The following TOPAZ1 variants were observed in gnomAD, a reference collection of about 807,000 sequenced individuals.
TOPAZ1 encodes the protein protein TOPAZ1.
TOPAZ1 carries 66 observed loss-of-function variants against 172.2 expected under a neutral mutation model. That is an observed-to-expected ratio of 0.38 (90% CI 0.31 to 0.47). TOPAZ1 has a LOEUF of 0.47. TOPAZ1 is among the 20% of genes least tolerant of loss of function. TOPAZ1 has a pLI of 0.99. For synonymous variants in TOPAZ1, 681 were observed against 683.9 expected (o/e 1.00, Z 0.07); for missense variants, 1,822 against 1,972.4 (o/e 0.92, Z 1.44).
Position 44,281,955 on chromosome 3 carries a change from G to A in TOPAZ1, c.3373-13G>A, listed in dbSNP as rs567993796. The A allele has an allele frequency of 1.2e-4, 186 of 1,523,428 alleles. No homozygotes were observed. Among genetic ancestry groups the A allele is most frequent in the Non-Finnish European group, 1.4e-4 (160 of 1,128,356 alleles). 94.4% of individuals were successfully genotyped at this position (1,523,428 alleles called of 1,614,324 possible). A position where few individuals can be genotyped will look rare whatever the true frequency, so the allele number is the denominator to read the frequency against. ...TAAAAAAGGTAGTTTTACATTTTTC[G>A]TGACTTTTGCAGGTTTGCATGGATG... is the stretch of plus-strand genomic sequence containing the variant. On this transcript the variant is annotated splice_polypyrimidine_tract_variant and intron_variant, in intron 8 of 19. Transcript: ENST00000309765.
chr3:44,322,456 A>G (rs1360108024), intron 17 of TOPAZ1, among the ~76,000 whole-genome samples: 1 of 152,240 alleles, frequency 6.6e-6, no homozygotes, highest in Non-Finnish European at 1.5e-5. Context: ...TCAAATACAG[A>G]GGTCTTAATG....
At chr3:44,269,182 ATTGGTG>A in intron 6 of TOPAZ1, 28 bp from the exon 7 acceptor site, 1 of 1,117,986 alleles carries the variant, frequency 8.9e-7, no homozygotes, top group Non-Finnish European at 1.3e-6. Flanking sequence ...GTTGTAACAT[ATTGGTG>A]TGTAATGCCA....
At chr3:44,315,200 C>CAT (rs1255094658) in intron 16 of TOPAZ1, among the ~76,000 whole-genome samples, 3 of 150,096 alleles carry the variant, frequency 2.0e-5, no homozygotes, top group African/African-American at 7.4e-5. Flanking sequence ...TTTGAAAGAA[C>CAT]GTGTGTGTGT....
intron 12 of TOPAZ1, among the ~76,000 whole-genome samples, 197 bp from the exon 13 acceptor site, chr3:44,303,818 T>C (rs1700303894): frequency 6.6e-6 from 1 of 152,172 alleles, no homozygotes; most frequent in African/African-American, 2.4e-5. Context: ...TTCCTTCTTA[T>C]TGTTTTGGGG....
intron 12 of TOPAZ1, among the ~76,000 whole-genome samples, chr3:44,302,510 T>C (rs1007274873): frequency 1.3e-5 from 2 of 152,198 alleles, no homozygotes; most frequent in Non-Finnish European, 2.9e-5. Flanking sequence ...GGGGTCTGTT[T>C]CTTGACTTTG....
chr3:44,302,902 G>A (rs1306677006), intron 12 of TOPAZ1, among the ~76,000 whole-genome samples: 1 of 152,160 alleles, frequency 6.6e-6, no homozygotes, highest in East Asian at 1.9e-4. Context: ...GGGTGCAGTA[G>A]TGCAATTACA....
Position 44,287,424 on chromosome 3 carries a change from C to T in TOPAZ1, c.3472C>T (p.Pro1158Ser), listed in dbSNP as rs554276202. The change falls in exon 10 of 20, where the codon CCA becomes TCA. Residue 1158 changes from proline (P) to serine (S), a missense_variant. Around this residue, in one of 2 missense-constraint regions of TOPAZ1, gnomAD observed 1,489 missense variants for 1,490.8 expected, o/e 1.00. Coordinates refer to ENST00000309765, the MANE Select transcript of TOPAZ1 (RefSeq NM_001145030.2). ...IFMEYYRKFP[P>S]GVYFDLQVLN... ...TATGGAGTACTACAGAAAGTTTCCC[C>T]CAGGTGTATACTTTGATTTACAAGT... 4.0e-6 allele frequency: 6 copies of T among 1,511,604 alleles called. No individual in the cohort carries two copies. The highest frequency in any genetic ancestry group is 2.8e-5 in the African/African-American group (2 of 71,652). 93.6% of individuals were successfully genotyped at this position (1,511,604 alleles called of 1,614,324 possible).
intron 4 of TOPAZ1, among the ~76,000 whole-genome samples, chr3:44,260,049 C>T (rs550713367): frequency 4.6e-5 from 7 of 152,202 alleles, no homozygotes; most frequent in East Asian, 1.9e-4. Context: ...GTTTTATTAG[C>T]GTTTGGTAGT....
Position 44,256,298 on chromosome 3 carries a change from GT to G in TOPAZ1, c.2955+27del. On this transcript the variant is annotated intron_variant, in intron 4 of 19. Transcript: ENST00000309765. ...GAAAAGGTACTAGGGGATCTTTTGT[GT>G]TTTTTTATTTCTTGGTCTTAAATAG... The G allele has an allele frequency of 3.3e-6, 5 of 1,506,688 alleles. No individual in the cohort carries two copies. Among genetic ancestry groups the G allele is most frequent in the Admixed American group, 5.4e-5 (2 of 36,704 alleles). 93.3% of individuals were successfully genotyped at this position (1,506,688 alleles called of 1,614,324 possible). A position where few individuals can be genotyped will look rare whatever the true frequency, so the allele number is the denominator to read the frequency against.
intron 16 of TOPAZ1, among the ~76,000 whole-genome samples, chr3:44,317,655 T>C (rs938212244): frequency 6.6e-6 from 1 of 152,210 alleles, no homozygotes; most frequent in Non-Finnish European, 1.5e-5. Flanking sequence ...CAGGCTATTA[T>C]GGAAAATATG....
intron 12 of TOPAZ1, among the ~76,000 whole-genome samples, chr3:44,297,179 AAAG>A (rs1426441030): frequency 2.0e-5 from 3 of 151,656 alleles, no homozygotes; most frequent in African/African-American, 7.3e-5. Context: ...CAAAAAAAAA[AAAG>A]AAAAAAGAAA....
At chr3:44,280,673 C>T (rs1700013202) in intron 8 of TOPAZ1, among the ~76,000 whole-genome samples, 1 of 152,136 alleles carries the variant, frequency 6.6e-6, no homozygotes, top group South Asian at 2.1e-4. Flanking sequence ...ATTTTAGCAG[C>T]CCACAGCAGT....
At chr3:44,278,875 T>A (rs1258422767) in intron 8 of TOPAZ1, among the ~76,000 whole-genome samples, 1 of 151,956 alleles carries the variant, frequency 6.6e-6, no homozygotes, top group Admixed American at 6.6e-5. Context: ...TCTACTAGTT[T>A]TGGGTTTGGT....
chr3:44,291,102 A>G (rs1340573177), intron 12 of TOPAZ1, among the ~76,000 whole-genome samples: 1 of 151,842 alleles, frequency 6.6e-6, no homozygotes, highest in Non-Finnish European at 1.5e-5. Flanking sequence ...TTTCCTCTCA[A>G]TGTCCTGCTC....
intron 16 of TOPAZ1, among the ~76,000 whole-genome samples, chr3:44,319,352 C>G (rs912384366): frequency 6.6e-6 from 1 of 151,970 alleles, no homozygotes; most frequent in Non-Finnish European, 1.5e-5. Flanking sequence ...CCTAAAATAC[C>G]ATATATACTT....
intron 11 of TOPAZ1, among the ~76,000 whole-genome samples, chr3:44,288,992 A>G (rs769786952): frequency 2.0e-4 from 30 of 152,210 alleles, no homozygotes; most frequent in Non-Finnish European, 4.1e-4. Flanking sequence ...TTATTCTAGC[A>G]GTGTACCATA....
intron 4 of TOPAZ1, among the ~76,000 whole-genome samples, chr3:44,259,530 A>G (rs752625212): frequency 1.3e-5 from 2 of 152,192 alleles, no homozygotes; most frequent in African/African-American, 2.4e-5. Flanking sequence ...AAGTCCCACT[A>G]TTGATGGACA....
At chr3:44,293,999 G>C (rs913546675) in intron 12 of TOPAZ1, among the ~76,000 whole-genome samples, 1 of 152,176 alleles carries the variant, frequency 6.6e-6, no homozygotes, top group African/African-American at 2.4e-5. Flanking sequence ...CCAGTACTTT[G>C]GGAGGCTGAG....
downstream of TOPAZ1, among the ~76,000 whole-genome samples, chr3:44,335,546 C>T (rs1700714219): frequency 6.6e-6 from 1 of 152,086 alleles, no homozygotes; most frequent in African/African-American, 2.4e-5. Flanking sequence ...ATCACTTGAG[C>T]TTGGGAAGCA....
Sources: allele counts gnomAD v4.1 joint callset (sites outside exome capture counted in the v4.1 genomes callset), GRCh38; gene constraint gnomAD v4.1.1; regional missense constraint gnomAD v4.1.1; transcripts MANE v1.5; gene names NCBI Gene and HGNC (gene_info 2026-07-23, HGNC 2026-07-21).